Variants in ATXN7 observed in about 807,000 individuals in gnomAD.
ATXN7 encodes the protein ataxin-7.
ATXN7 carries 12 observed loss-of-function variants against 70.5 expected under a neutral mutation model. The observed-to-expected ratio is 0.17, with a 90% CI of 0.11 to 0.28. ATXN7 has a LOEUF of 0.28. ATXN7 is among the 10% of genes least tolerant of loss of function. The pLI is 1.00. For synonymous variants in ATXN7, 498 were observed against 448.7 expected, an observed-to-expected ratio of 1.11 and a Z score of -1.39; for missense variants, 1,256 against 1,131.7, an observed-to-expected ratio of 1.11 and a Z score of -1.58.
Position 63,990,718 on chromosome 3 carries a change from G to A in ATXN7, c.1561-20G>A, listed in dbSNP as rs774610666. 17 of 1,613,984 alleles carry A rather than the reference G, an allele frequency of 1.1e-5. No homozygotes were observed. Among genetic ancestry groups the A allele is most frequent in the East Asian group, 4.5e-5 (2 of 44,890 alleles). On this transcript the variant is annotated intron_variant, in intron 10 of 12. Transcript: ENST00000674280. ...CCAGTGTGGGAGTCAGCAAGCACGC[G>A]GCTATGTTTTCTCTTGCAGTTTTGC...
At position 64,000,200 on chromosome 3, in the gene ATXN7, C is replaced by T. The variant is rs1256290222; in HGVS notation, c.*733C>T. On this transcript the variant is annotated 3_prime_UTR_variant, in exon 13 of 13. Transcript: ENST00000674280. Reference sequence around the variant, plus strand: ...TTTTGGAGGCTTACTTTTCATGATACAAAAGCAATTCTGTGTGATTTTTTT... The same window carrying T: ...TTTTGGAGGCTTACTTTTCATGATATAAAAGCAATTCTGTGTGATTTTTTT... 7.8e-6 allele frequency: 1 copy of T among 127,778 alleles called. No individual in the cohort carries two copies. Among genetic ancestry groups the T allele is most frequent in the South Asian group, 2.4e-4 (1 of 4,154 alleles). 7.9% of individuals were successfully genotyped at this position (127,778 alleles called of 1,614,324 possible). A position where few individuals can be genotyped will look rare whatever the true frequency, so the allele number is the denominator to read the frequency against.
At chr3:63,994,333 C>A (rs921169665) in intron 11 of ATXN7, among the ~76,000 whole-genome samples, 2 of 152,158 alleles carry the variant, frequency 1.3e-5, no homozygotes, top group Admixed American at 6.5e-5. Context: ...CTCCCCGGTT[C>A]AAGCGATTCT....
At chr3:63,946,939 A>G (rs1225015431) in intron 4 of ATXN7, among the ~76,000 whole-genome samples, 1 of 152,114 alleles carries the variant, frequency 6.6e-6, no homozygotes, top group Non-Finnish European at 1.5e-5. Context: ...TGTTCAGGTG[A>G]GTAGAGGCCC....
At chr3:63,884,774 C>T (rs575378033) in intron 1 of ATXN7, among the ~76,000 whole-genome samples, 4 of 151,976 alleles carry the variant, frequency 2.6e-5, no homozygotes, top group Non-Finnish European at 5.9e-5. Flanking sequence ...CCTCAGCCTC[C>T]GAGTAGCTGG....
chr3:63,906,313 T>A (rs1352045849), intron 2 of ATXN7, among the ~76,000 whole-genome samples: 2 of 152,170 alleles, frequency 1.3e-5, no homozygotes, highest in Non-Finnish European at 2.9e-5. Context: ...AGCTGGACCT[T>A]GGCTGAGGAA....
chr3:63,968,875 C>G (rs72885725), intron 5 of ATXN7, among the ~76,000 whole-genome samples: 1 of 152,166 alleles, frequency 6.6e-6, no homozygotes, highest in African/African-American at 2.4e-5. Context: ...TGAGCTTGAC[C>G]GGAAGGTTTT....
At position 63,874,442 on chromosome 3, in the gene ATXN7, A is replaced by G. The variant is rs144845901; in HGVS notation, c.-111+10284A>G. The stretch of plus-strand genomic sequence containing the variant: ...CCTTTGTAAGTATGAGTTAAACCAC[A>G]CTTCAAATGATAAAATGCTGTGCAT... On this transcript the variant is annotated intron_variant, in intron 1 of 12. Coordinates refer to ENST00000674280, the MANE Select transcript of ATXN7 (RefSeq NM_001377405.1). 2.0e-3 allele frequency among the ~76,000 whole-genome samples: 304 copies of G among 152,372 alleles called. 1 individual carries two copies. Among genetic ancestry groups the G allele is most frequent in the African/African-American group, 6.9e-3 (288 of 41,592 alleles).
At chr3:63,982,899 G>A (rs2075513814) in intron 7 of ATXN7, 40 bp from the exon 8 acceptor site, 1 of 1,500,976 alleles carries the variant, frequency 6.7e-7, no homozygotes, top group East Asian at 2.3e-5. Context: ...ATGGAGGAGA[G>A]TTTGTCAGGC....
intron 2 of ATXN7, among the ~76,000 whole-genome samples, 168 bp downstream of exon 2, chr3:63,898,665 A>G (rs868192651): frequency 2.0e-5 from 3 of 152,236 alleles, no homozygotes; most frequent in Middle Eastern, 3.2e-3. Context: ...TAAAATGACA[A>G]TGAGTTTAGG....
chr3:63,984,170 GA>G (rs2075534087), intron 8 of ATXN7, among the ~76,000 whole-genome samples: 1 of 151,026 alleles, frequency 6.6e-6, no homozygotes, highest in Non-Finnish European at 1.5e-5. Context: ...CCTTTTTGGG[GA>G]AAAGGGTTGG....
intron 5 of ATXN7, among the ~76,000 whole-genome samples, chr3:63,977,369 C>G (rs2075405396): frequency 6.6e-6 from 1 of 152,148 alleles, no homozygotes. Context: ...ATACATCACA[C>G]ATTTGCTCTG....
At chr3:63,970,767 T>C (rs2075298341) in intron 5 of ATXN7, among the ~76,000 whole-genome samples, 1 of 152,186 alleles carries the variant, frequency 6.6e-6, no homozygotes, top group African/African-American at 2.4e-5. Context: ...GGAGTCGTTC[T>C]CCCTTGTAAT....
intron 5 of ATXN7, among the ~76,000 whole-genome samples, chr3:63,956,420 CAAAAAAA>C (rs1175948780): frequency 1.9e-3 from 68 of 36,696 alleles, no homozygotes; most frequent in Non-Finnish European, 2.9e-3. Context: ...GACTGCATCT[CAAAAAAA>C]AAAAAAAAAA....
At chr3:63,911,031 G>A (rs1489390591) in intron 2 of ATXN7, among the ~76,000 whole-genome samples, 2 of 151,152 alleles carry the variant, frequency 1.3e-5, no homozygotes, top group Non-Finnish European at 2.9e-5. Context: ...AGATGTTTGA[G>A]GTACAAAAAA....
At chr3:63,992,878 C>T (rs1378294473) in intron 11 of ATXN7, among the ~76,000 whole-genome samples, 1 of 152,192 alleles carries the variant, frequency 6.6e-6, no homozygotes, top group Admixed American at 6.5e-5. Flanking sequence ...GCGGCCTTTT[C>T]AGGCAGCCCC....
intron 6 of ATXN7, among the ~76,000 whole-genome samples, chr3:63,981,672 A>G (rs1488189938): frequency 6.6e-6 from 1 of 152,236 alleles, no homozygotes; most frequent in Non-Finnish European, 1.5e-5. Flanking sequence ...TTATTGACAG[A>G]AGCAAAGAAC....
chr3:63,969,922 A>G (rs1019773761), intron 5 of ATXN7, among the ~76,000 whole-genome samples: 2 of 152,172 alleles, frequency 1.3e-5, no homozygotes, highest in Non-Finnish European at 2.9e-5. Flanking sequence ...GTTCAAGTGA[A>G]TGATGGTGTA....
At chr3:63,964,200 G>A (rs1221862460) in intron 5 of ATXN7, among the ~76,000 whole-genome samples, 1 of 151,882 alleles carries the variant, frequency 6.6e-6, no homozygotes, top group Non-Finnish European at 1.5e-5. Flanking sequence ...CTTTCAAAAC[G>A]AGTGATTATT....
intron 4 of ATXN7, among the ~76,000 whole-genome samples, chr3:63,937,776 T>C (rs1222948444): frequency 6.6e-6 from 1 of 152,180 alleles, no homozygotes; most frequent in Non-Finnish European, 1.5e-5. Context: ...AGTTTTAACC[T>C]TTAACACTAG....
Sources: allele counts gnomAD v4.1 joint callset (sites outside exome capture counted in the v4.1 genomes callset), GRCh38; gene constraint gnomAD v4.1.1; transcripts MANE v1.5; gene names NCBI Gene and HGNC (gene_info 2026-07-23, HGNC 2026-07-21).